The following KIF6 variants were observed in gnomAD, a reference collection of about 807,000 sequenced individuals.
KIF6 encodes the protein kinesin-like protein KIF6.
A neutral mutation model predicts 112.7 loss-of-function variants in KIF6; 106 were observed. That is an observed-to-expected ratio of 0.94 (90% CI 0.80 to 1.11). The LOEUF is 1.11. KIF6 is among the 50% of genes least tolerant of loss of function. The pLI is 0.00. For synonymous variants in KIF6, 339 were observed against 339.9 expected, an observed-to-expected ratio of 1.00 and a Z score of 0.03; for missense variants, 929 against 964.0, an observed-to-expected ratio of 0.96 and a Z score of 0.48.
At chr6:39,352,056 A>G (rs897865154) in intron 19 of KIF6, among the ~76,000 whole-genome samples, 1 of 152,242 alleles carries the variant, frequency 6.6e-6, no homozygotes, top group Non-Finnish European at 1.5e-5. Context: ...AGCTGCCTGC[A>G]TTGCCATGGC....
intron 9 of KIF6, among the ~76,000 whole-genome samples, chr6:39,583,920 G>A (rs1208659509): frequency 2.6e-5 from 4 of 151,748 alleles, no homozygotes; most frequent in Admixed American, 2.6e-4. Flanking sequence ...CATTTATGAT[G>A]AGCTAAATTA....
chr6:39,405,971 C>A (rs1332131961), intron 15 of KIF6, among the ~76,000 whole-genome samples: 3 of 152,042 alleles, frequency 2.0e-5, no homozygotes, highest in African/African-American at 7.2e-5. Flanking sequence ...TTTGTGTAGA[C>A]TGTTTATAAT....
chr6:39,571,124 C>A (rs570587716), intron 10 of KIF6, among the ~76,000 whole-genome samples: 1 of 152,292 alleles, frequency 6.6e-6, no homozygotes, highest in South Asian at 2.1e-4. Context: ...TTTCCTTTCC[C>A]AATTTTTCCA....
chr6:39,388,979 A>T (rs924346662), intron 15 of KIF6, among the ~76,000 whole-genome samples: 1 of 152,210 alleles, frequency 6.6e-6, no homozygotes, highest in Non-Finnish European at 1.5e-5. Context: ...TACATGCTAG[A>T]AACACCTTCT....
intron 4 of KIF6, among the ~76,000 whole-genome samples, chr6:39,639,402 A>G (rs879258259): frequency 1.3e-5 from 2 of 152,126 alleles, no homozygotes; most frequent in African/African-American, 2.4e-5. Flanking sequence ...TTGCTGAAAT[A>G]GCAGCCCTTT....
In KIF6 at chr6:39,343,586, G is replaced by A; in HGVS notation, c.2428+123C>T. On this transcript the variant is annotated intron_variant, in intron 22 of 22. Coordinates refer to ENST00000287152, the MANE Select transcript of KIF6 (RefSeq NM_145027.6). The surrounding 1 kb of genome is among the most constrained non-coding windows in gnomAD (Gnocchi z 4.1). ...CTGGGCACATGTGACTGACAGGCAG[G>A]CCAGTCCTGTGGCTTCAGGAATATG... The A allele has an allele frequency of 8.6e-7, 1 of 1,157,560 alleles. No homozygotes were observed. The highest frequency in any genetic ancestry group is 1.2e-6 in the Non-Finnish European group (1 of 822,286). The allele number at this position is 1,157,560 out of a possible 1,614,324, so 71.7% of individuals were successfully genotyped here. A position where few individuals can be genotyped will look rare whatever the true frequency, so the allele number is the denominator to read the frequency against.
intron 3 of KIF6, among the ~76,000 whole-genome samples, chr6:39,687,795 T>A (rs983573437): frequency 1.3e-5 from 2 of 152,228 alleles, no homozygotes; most frequent in African/African-American, 4.8e-5. Context: ...TTGCAGGTCA[T>A]TGAGTGTAGC....
chr6:39,556,529 GGGCAAAGA>G (rs1321494876), intron 10 of KIF6, among the ~76,000 whole-genome samples: 1 of 152,110 alleles, frequency 6.6e-6, no homozygotes, highest in Non-Finnish European at 1.5e-5. Flanking sequence ...GGAAAGGACT[GGGCAAAGA>G]GGCAAATCTG....
chr6:39,497,837 T>C (rs1775880998), intron 13 of KIF6, among the ~76,000 whole-genome samples: 1 of 152,260 alleles, frequency 6.6e-6, no homozygotes, highest in South Asian at 2.1e-4. Context: ...CCACTTCATG[T>C]TTCTGTAAGT....
chr6:39,437,793 G>A lies in KIF6; in HGVS notation c.1646-6632C>T, dbSNP rs115071305. Reference sequence around the variant, plus strand: ...GACGGTGGTCCCATATGGTGTCATAGTTGTCATAATGTCATAGTGCAACAC... The same window carrying A: ...GACGGTGGTCCCATATGGTGTCATAATTGTCATAATGTCATAGTGCAACAC... On this transcript the variant is annotated intron_variant, in intron 13 of 22. Coordinates refer to ENST00000287152, the MANE Select transcript of KIF6 (RefSeq NM_145027.6). Among the ~76,000 whole-genome samples the A allele has an allele frequency of 7.4e-3, 1,125 of 152,190 alleles. 9 individuals are homozygous for A. Among genetic ancestry groups the A allele is most frequent in the Admixed American group, 0.014 (213 of 15,298 alleles).
At chr6:39,604,918 G>A (rs931466715) in intron 6 of KIF6, among the ~76,000 whole-genome samples, 3 of 152,022 alleles carry the variant, frequency 2.0e-5, no homozygotes, top group Non-Finnish European at 4.4e-5. Flanking sequence ...TTTCCTCTGT[G>A]GATGTCAGGA....
At chr6:39,653,527 A>G (rs1785593570) in intron 3 of KIF6, among the ~76,000 whole-genome samples, 1 of 152,222 alleles carries the variant, frequency 6.6e-6, no homozygotes, top group African/African-American at 2.4e-5. Flanking sequence ...GGAAAGAATA[A>G]TGCAGATACT....
intron 6 of KIF6, among the ~76,000 whole-genome samples, chr6:39,606,316 A>AC (rs1254259227): frequency 6.6e-6 from 1 of 152,044 alleles, no homozygotes; most frequent in Non-Finnish European, 1.5e-5. Flanking sequence ...TTTTTTAAAA[A>AC]ACAAAGATTG....
chr6:39,338,780 C>A (rs182327334), intron 22 of KIF6, among the ~76,000 whole-genome samples: 1 of 152,132 alleles, frequency 6.6e-6, no homozygotes, highest in Non-Finnish European at 1.5e-5. Flanking sequence ...CCCGTGGGCA[C>A]GTGGCTGCTG....
chr6:39,510,872 C>CA (rs1180631310), intron 13 of KIF6, among the ~76,000 whole-genome samples: 5,758 of 23,832 alleles, frequency 0.24, 1,065 homozygotes, highest in Middle Eastern at 0.32. Flanking sequence ...AAATGGGAAG[C>CA]AAAAAAAAAA....
chr6:39,434,836 G>A (rs1771417763), intron 13 of KIF6, among the ~76,000 whole-genome samples: 2 of 152,124 alleles, frequency 1.3e-5, no homozygotes, highest in Admixed American at 6.6e-5. Context: ...GGTGGAGGGG[G>A]CAGAGATGGA....
intron 13 of KIF6, among the ~76,000 whole-genome samples, chr6:39,489,885 A>G (rs1419430845): frequency 6.6e-6 from 1 of 152,224 alleles, no homozygotes; most frequent in African/African-American, 2.4e-5. Context: ...AAAGCAGAAA[A>G]TATATTCAGA....
chr6:39,504,461 C>A (rs1443607810), intron 13 of KIF6, among the ~76,000 whole-genome samples: 1 of 152,198 alleles, frequency 6.6e-6, no homozygotes, highest in Non-Finnish European at 1.5e-5. Flanking sequence ...TCCTCTGTCA[C>A]CACTCCTATT....
chr6:39,498,686 G>A (rs1351490760), intron 13 of KIF6, among the ~76,000 whole-genome samples: 2 of 152,030 alleles, frequency 1.3e-5, no homozygotes, highest in Non-Finnish European at 2.9e-5. Flanking sequence ...CACAGGGTGT[G>A]GGCCACAGTT....
Sources: allele counts gnomAD v4.1 joint callset (sites outside exome capture counted in the v4.1 genomes callset), GRCh38; gene constraint gnomAD v4.1.1; non-coding constraint Gnocchi (gnomAD v3.1); transcripts MANE v1.5; gene names NCBI Gene and HGNC (gene_info 2026-07-23, HGNC 2026-07-21).